The following NFIC variants were observed in gnomAD, a reference collection of about 807,000 sequenced individuals.
NFIC encodes the protein nuclear factor 1 C-type.
Under a neutral mutation model 54.4 loss-of-function variants are expected in NFIC, and 12 were observed. The ratio of observed to expected loss-of-function variants is 0.22; its 90% confidence interval spans 0.14 to 0.36. The LOEUF is 0.36. Among genes scored for constraint, NFIC ranks in the 10% least tolerant of loss-of-function variants. The pLI is 1.00. For synonymous variants in NFIC, 322 were observed against 319.2 expected, an observed-to-expected ratio of 1.01 and a Z score of -0.09; for missense variants, 575 against 718.2, an observed-to-expected ratio of 0.80 and a Z score of 2.28.
chr19:3,381,462 C>G (rs950333647), intron 1 of NFIC, among the ~76,000 whole-genome samples: 16 of 151,728 alleles, frequency 1.1e-4, no homozygotes, highest in African/African-American at 3.9e-4. Context: ...TCACATAGTC[C>G]AAGTCTGTTT....
rs915757525 is a variant in NFIC at position 3,423,473 on chromosome 19, C to T, written c.563-1633C>T. Among the ~76,000 whole-genome samples the T allele has an allele frequency of 1.2e-4, 18 of 151,852 alleles. 1 individual carries two copies. In the South Asian group the frequency reaches 1.2e-3, roughly 11 times the overall value. ...GGCGTGATTCTCTTCCTGCGGCTTT[C>T]GACGTTGGTTGCTGCCACCTTCGTC... On this transcript the variant is annotated intron_variant, in intron 2 of 10. Coordinates refer to ENST00000443272, the MANE Select transcript of NFIC (RefSeq NM_001245002.2).
intron 1 of NFIC, among the ~76,000 whole-genome samples, chr19:3,373,617 ACCCCCCCCCCAAGCTAAAAAACACC>A (rs942933965): frequency 8.9e-5 from 7 of 78,560 alleles, no homozygotes; most frequent in Non-Finnish European, 7.8e-5. Context: ...ACCTTCCTGG[ACCCCCCCCCCAAGCTAAAAAACACC>A]CCCCACCCCA....
In NFIC at chr19:3,453,471, T is replaced by C. The variant is rs554206716; in HGVS notation, c.1270-292T>C. Among the ~76,000 whole-genome samples, 4 of 152,254 alleles carry C rather than the reference T, an allele frequency of 2.6e-5. No homozygotes were observed. The highest frequency in any genetic ancestry group is 9.6e-5 in the African/African-American group (4 of 41,542). On this transcript the variant is annotated intron_variant, in intron 8 of 10. Transcript: ENST00000443272. The surrounding 1 kb of genome is among the most constrained non-coding windows in gnomAD (Gnocchi z 6.7). ...ACCTGCTGTTAGGAGGCGGTGGCAC[T>C]GTTTGGAAGGAAATCAGTCGAGTTG... is the stretch of plus-strand genomic sequence containing the variant.
chr19:3,461,911 G>C (rs1246573093), intron 10 of NFIC, among the ~76,000 whole-genome samples: 2 of 150,960 alleles, frequency 1.3e-5, no homozygotes, highest in Non-Finnish European at 2.9e-5. Flanking sequence ...AAAATTAGCT[G>C]AGTGTGGTGG....
chr19:3,425,180 G>A lies in NFIC; in HGVS notation c.634+3G>A, dbSNP rs2082008573. 1.2e-6 allele frequency: 2 copies of A among 1,609,938 alleles called. No individual in the cohort carries two copies. The highest frequency in any genetic ancestry group is 3.3e-5 in the Admixed American group (2 of 59,762). On this transcript the variant is annotated splice_donor_region_variant and intron_variant, in intron 3 of 10. Transcript: ENST00000443272. ...GGACAGCAAGCCCATCACGCTGGGT[G>A]AGTCTGGGGGCAGCGTGGCGGTGAA...
intron 10 of NFIC, among the ~76,000 whole-genome samples, chr19:3,460,515 GT>G (rs35415017): frequency 1.3e-5 from 2 of 151,668 alleles, no homozygotes; most frequent in African/African-American, 2.4e-5. Context: ...TTTTTTTTTG[GT>G]TTTTTTGGTT....
intron 2 of NFIC, among the ~76,000 whole-genome samples, chr19:3,383,293 G>C (rs762975326): frequency 1.9e-4 from 29 of 152,180 alleles, no homozygotes; most frequent in Non-Finnish European, 3.1e-4. Flanking sequence ...CTAGCTCTGT[G>C]GGGTTGAGGA....
At chr19:3,360,849 G>T (rs887619435) in intron 1 of NFIC, among the ~76,000 whole-genome samples, 1 of 152,338 alleles carries the variant, frequency 6.6e-6, no homozygotes, top group African/African-American at 2.4e-5. Flanking sequence ...GGTTGGGGGG[G>T]GTCGCCAGGG....
At position 3,463,419 on chromosome 19, in the gene NFIC, G is replaced by T. The variant is rs1014194173; in HGVS notation, c.*650G>T. On this transcript the variant is annotated 3_prime_UTR_variant, in exon 11 of 11. Transcript: ENST00000443272. The stretch of plus-strand genomic sequence containing the variant: ...GTGGGGCAGGCGAGTGGTGTCGCGG[G>T]GGTGCGTGGCGCTTGCGAGCCCTGG... 7.1e-6 allele frequency: 7 copies of T among 985,442 alleles called. No homozygotes were observed. The highest frequency in any genetic ancestry group is 4.8e-6 in the Non-Finnish European group (4 of 830,074). The allele number at this position is 985,442 out of a possible 1,614,324, so 61.0% of individuals were successfully genotyped here.
chr19:3,410,401 C>T (rs2081735708), intron 2 of NFIC, among the ~76,000 whole-genome samples: 1 of 152,156 alleles, frequency 6.6e-6, no homozygotes, highest in South Asian at 2.1e-4. Flanking sequence ...GAGAATGAGC[C>T]ATGTAGATAG....
chr19:3,463,497 C>G lies in NFIC; in HGVS notation c.*728C>G. ...CTGCTGCCCCTCGAGGGGGCCCTGC[C>G]TGCCGCGGGGCCTCCCCACAAGCCC... On this transcript the variant is annotated 3_prime_UTR_variant, in exon 11 of 11. Transcript: ENST00000443272. 2 of 985,338 alleles carry G rather than the reference C, an allele frequency of 2.0e-6. No individual in the cohort carries two copies. The highest frequency in any genetic ancestry group is 1.2e-6 in the Non-Finnish European group (1 of 829,952). 61.0% of individuals were successfully genotyped at this position (985,338 alleles called of 1,614,324 possible). A position where few individuals can be genotyped will look rare whatever the true frequency, so the allele number is the denominator to read the frequency against.
intron 6 of NFIC, among the ~76,000 whole-genome samples, chr19:3,442,870 G>A (rs8100024): frequency 0.17 from 25,562 of 152,210 alleles, 4,354 homozygotes; most frequent in African/African-American, 0.44. Context: ...AGCTCTGCAC[G>A]GGGCAGCTGT....
chr19:3,360,913 T>C (rs767054833), intron 1 of NFIC, among the ~76,000 whole-genome samples: 12 of 152,178 alleles, frequency 7.9e-5, no homozygotes, highest in South Asian at 2.1e-4. Context: ...TGCCGCTTGC[T>C]GTGTGCGAGT....
At chr19:3,427,829 A>AG (rs1555753794) in intron 3 of NFIC, among the ~76,000 whole-genome samples, 1 of 146,528 alleles carries the variant, frequency 6.8e-6, no homozygotes, top group African/African-American at 2.7e-5. Flanking sequence ...AAAAAAAAAA[A>AG]AAGAAGAAGA....
chr19:3,462,932 T>A lies in NFIC; in HGVS notation c.*163T>A. On this transcript the variant is annotated 3_prime_UTR_variant, in exon 11 of 11. Transcript: ENST00000443272. Reference sequence around the variant, plus strand: ...AGACAAAACACATAGACGCACACACTCAGGAGGAAAAGAAAAAACAAAGGC... The same window carrying A: ...AGACAAAACACATAGACGCACACACACAGGAGGAAAAGAAAAAACAAAGGC... 1 of 1,451,442 alleles carries A rather than the reference T, an allele frequency of 6.9e-7. No individual in the cohort carries two copies. The allele number at this position is 1,451,442 out of a possible 1,614,324, so 89.9% of individuals were successfully genotyped here. A position where few individuals can be genotyped will look rare whatever the true frequency, so the allele number is the denominator to read the frequency against.
chr19:3,448,065 C>T (rs762230322), intron 6 of NFIC, among the ~76,000 whole-genome samples: 16 of 151,360 alleles, frequency 1.1e-4, no homozygotes, highest in Admixed American at 5.3e-4. Context: ...CCCCTGCACC[C>T]GACTATCCAT....
intron 2 of NFIC, among the ~76,000 whole-genome samples, chr19:3,407,633 G>A (rs12977378): frequency 6.6e-6 from 1 of 151,000 alleles, no homozygotes; most frequent in Non-Finnish European, 1.5e-5. Flanking sequence ...CGAGGTTTCC[G>A]CCATGTTGGT....
chr19:3,402,383 C>T (rs1165880886), intron 2 of NFIC, among the ~76,000 whole-genome samples: 2 of 152,168 alleles, frequency 1.3e-5, no homozygotes, highest in African/African-American at 2.4e-5. Flanking sequence ...CCTTCCACTC[C>T]CCCATGTACC....
chr19:3,410,740 C>G (rs2081743276), intron 2 of NFIC: 1 of 152,282 alleles, frequency 6.6e-6, no homozygotes, highest in Non-Finnish European at 1.5e-5. Context: ...TCTAGCTATC[C>G]CCGTCCCCTC....
Sources: allele counts gnomAD v4.1 joint callset (sites outside exome capture counted in the v4.1 genomes callset), GRCh38; gene constraint gnomAD v4.1.1; non-coding constraint Gnocchi (gnomAD v3.1); transcripts MANE v1.5; gene names NCBI Gene and HGNC (gene_info 2026-07-23, HGNC 2026-07-21).